The following ACYP2 variants were observed in gnomAD, a reference collection of about 807,000 sequenced individuals.
ACYP2 encodes the protein acylphosphatase-2.
Under a neutral mutation model 11.2 loss-of-function variants are expected in ACYP2, and 12 were observed. That is an observed-to-expected ratio of 1.08 (90% confidence interval 0.69 to 1.74). The LOEUF (loss-of-function observed/expected upper bound fraction) is 1.74. Among genes scored for constraint, ACYP2 ranks in the 40% most tolerant of loss-of-function variants. The pLI is 0.00. For missense variants in ACYP2, 134 were observed against 101.9 expected (o/e 1.31, Z -1.35); for synonymous variants, 43 against 32.2 (o/e 1.33, Z -1.13).
chr2:54,276,311 G>C (rs1034167713), intron 6 of ACYP2, among the ~76,000 whole-genome samples: 7 of 152,116 alleles, frequency 4.6e-5, no homozygotes, highest in Admixed American at 4.6e-4. Context: ...CATGTTGTTA[G>C]TGTAGGTATT....
chr2:54,250,373 T>A (rs1326076875), intron 6 of ACYP2, among the ~76,000 whole-genome samples: 1 of 147,868 alleles, frequency 6.8e-6, no homozygotes, highest in African/African-American at 2.5e-5. Flanking sequence ...CTCAGGAGGC[T>A]GAGGCAGGAG....
At chr2:54,198,681 A>G (rs187681355) in intron 6 of ACYP2, among the ~76,000 whole-genome samples, 8 of 151,840 alleles carry the variant, frequency 5.3e-5, no homozygotes, top group Admixed American at 5.2e-4. Flanking sequence ...CTGGTTTTAA[A>G]TGCAAATATA....
intron 6 of ACYP2, among the ~76,000 whole-genome samples, chr2:54,200,733 G>C (rs957254913): frequency 6.6e-6 from 1 of 152,032 alleles, no homozygotes; most frequent in African/African-American, 2.4e-5. Flanking sequence ...ACATACTTTT[G>C]TGTGTACATA....
At chr2:54,169,417 C>G (rs537108871) in intron 6 of ACYP2, among the ~76,000 whole-genome samples, 4 of 152,180 alleles carry the variant, frequency 2.6e-5, no homozygotes, top group South Asian at 2.1e-4. Context: ...CGTTTGGATC[C>G]TACATCAAAA....
chr2:54,189,913 G>T (rs963189708), intron 6 of ACYP2, among the ~76,000 whole-genome samples: 1 of 152,052 alleles, frequency 6.6e-6, no homozygotes, highest in Non-Finnish European at 1.5e-5. Flanking sequence ...GTGTGAGATG[G>T]TATCTCACAG....
At chr2:54,120,784 G>A (rs1249413217) in intron 4 of ACYP2, among the ~76,000 whole-genome samples, 1 of 152,162 alleles carries the variant, frequency 6.6e-6, no homozygotes, top group Admixed American at 6.5e-5. Flanking sequence ...TTCTACCTTG[G>A]ATGCTGGTGT....
chr2:54,255,373 G>T, intron 6 of ACYP2: 1 of 1,614,132 alleles, frequency 6.2e-7, no homozygotes, highest in South Asian at 1.1e-5. Context: ...AGACAGCTGT[G>T]GGTGGTGGCG....
At chr2:54,085,970 A>T (rs1677925259) in intron 4 of ACYP2, among the ~76,000 whole-genome samples, 2 of 151,818 alleles carry the variant, frequency 1.3e-5, no homozygotes, top group African/African-American at 4.9e-5. Flanking sequence ...TTTGAGACAG[A>T]GTCTCACTCT....
At chr2:54,197,960 T>C (rs1310699442) in intron 6 of ACYP2, among the ~76,000 whole-genome samples, 4 of 55,634 alleles carry the variant, frequency 7.2e-5, no homozygotes, top group Non-Finnish European at 1.0e-4. Context: ...TTGTATTGTA[T>C]TGTATTGTAT....
At chr2:53,974,761 A>T (rs1450665784) in intron 2 of ACYP2, among the ~76,000 whole-genome samples, 1 of 152,192 alleles carries the variant, frequency 6.6e-6, no homozygotes, top group Non-Finnish European at 1.5e-5. Flanking sequence ...GCTATCATTC[A>T]TTGAGCATTT....
intron 6 of ACYP2, among the ~76,000 whole-genome samples, chr2:54,166,106 G>A (rs1490535742): frequency 1.3e-5 from 2 of 152,086 alleles, no homozygotes; most frequent in African/African-American, 4.8e-5. Context: ...CTCTTATCTA[G>A]GTGCAGCCTC....
chr2:54,215,544 A>G (rs920483679), intron 6 of ACYP2, among the ~76,000 whole-genome samples: 3 of 152,242 alleles, frequency 2.0e-5, no homozygotes, highest in African/African-American at 7.2e-5. Flanking sequence ...AGATTAAATC[A>G]AAAGAAAAAT....
intron 2 of ACYP2, among the ~76,000 whole-genome samples, chr2:54,020,478 TCA>T (rs1360862304): frequency 6.6e-6 from 1 of 152,186 alleles, no homozygotes; most frequent in African/African-American, 2.4e-5. Context: ...GTAATTGCTG[TCA>T]CATTGGAAGG....
At chr2:54,283,648 A>C (rs1451523140) in intron 6 of ACYP2, among the ~76,000 whole-genome samples, 4 of 152,232 alleles carry the variant, frequency 2.6e-5, no homozygotes, top group Non-Finnish European at 5.9e-5. Context: ...GGAGTTTTAC[A>C]AGTAAATATT....
At chr2:54,069,889 A>G (rs1676940127) in intron 4 of ACYP2, among the ~76,000 whole-genome samples, 2 of 152,156 alleles carry the variant, frequency 1.3e-5, no homozygotes, top group Admixed American at 1.3e-4. Context: ...GATTTTAATG[A>G]AAGAGAGAAG....
At chr2:53,978,261 CAA>C (rs1273195454) in intron 2 of ACYP2, among the ~76,000 whole-genome samples, 36 of 56,120 alleles carry the variant, frequency 6.4e-4, no homozygotes, top group Admixed American at 6.0e-4. Flanking sequence ...GACTCCATCT[CAA>C]AAAAAAAAAA....
At chr2:54,026,207 C>T (rs1157833951) in intron 2 of ACYP2, among the ~76,000 whole-genome samples, 1 of 152,062 alleles carries the variant, frequency 6.6e-6, no homozygotes, top group African/African-American at 2.4e-5. Flanking sequence ...CCAGAATCTA[C>T]AAGGAACTCA....
At chr2:54,208,564 G>A (rs1685194544) in intron 6 of ACYP2, among the ~76,000 whole-genome samples, 1 of 152,014 alleles carries the variant, frequency 6.6e-6, no homozygotes, top group Non-Finnish European at 1.5e-5. Context: ...AGAAGAGCAG[G>A]ATACAACAAA....
chr2:53,994,329 CAAAAAA>C (rs374302355), intron 2 of ACYP2, among the ~76,000 whole-genome samples: 1 of 42,892 alleles, frequency 2.3e-5, no homozygotes, highest in East Asian at 7.6e-4. Context: ...GACTCCGTCT[CAAAAAA>C]AAAAAAAAAA....
Sources: gnomAD v4.1 joint callset for allele counts (sites outside exome capture counted in the v4.1 genomes callset) on GRCh38, gnomAD v4.1.1 for gene constraint, MANE v1.5 for transcripts, NCBI Gene and HGNC (gene_info 2026-07-23, HGNC 2026-07-21) for gene names.